CDH18: variants seen among roughly 807,000 people sequenced by gnomAD.
CDH18 encodes cadherin-18.
CDH18 carries 31 observed loss-of-function variants against 67.9 expected under a neutral mutation model. The observed-to-expected ratio is 0.46, with a 90% CI of 0.34 to 0.62. The LOEUF (loss-of-function observed/expected upper bound fraction) is 0.62, where lower values mean the gene tolerates loss of function less well. CDH18 is among the 20% of genes least tolerant of loss of function. The probability of loss-of-function intolerance (pLI) is 0.01; values close to 1 mark genes in which losing one functional copy is unlikely to be tolerated. For synonymous variants in CDH18, 362 were observed against 347.2 expected, an observed-to-expected ratio of 1.04 and a Z score of -0.48; for missense variants, 890 against 975.5, an observed-to-expected ratio of 0.91 and a Z score of 1.17.
intron 10 of CDH18, among the ~76,000 whole-genome samples, chr5:19,513,783 T>G (rs1745489152): frequency 6.6e-6 from 1 of 152,144 alleles, no homozygotes; most frequent in Admixed American, 6.6e-5. Context: ...ACTTGTTTTT[T>G]CATTTAAGTT....
At chr5:19,568,358 C>T (rs1740798807) in intron 8 of CDH18, among the ~76,000 whole-genome samples, 1 of 152,114 alleles carries the variant, frequency 6.6e-6, no homozygotes, top group Admixed American at 6.6e-5. Context: ...TGGATTAGTG[C>T]CTTTACAAGA....
At chr5:20,522,998 T>A (rs529361606) in intron 1 of CDH18, among the ~76,000 whole-genome samples, 2 of 152,310 alleles carry the variant, frequency 1.3e-5, no homozygotes, top group South Asian at 4.1e-4. Context: ...TGCCTTGTTT[T>A]TATGCTAGAC....
At chr5:19,480,463 C>T (rs1483233010) in intron 12 of CDH18, among the ~76,000 whole-genome samples, 3 of 151,366 alleles carry the variant, frequency 2.0e-5, no homozygotes, top group African/African-American at 7.3e-5. Flanking sequence ...CTGCAAGCTC[C>T]GCCTCCCGGG....
At chr5:20,245,012 T>C (rs954242801) in intron 2 of CDH18, among the ~76,000 whole-genome samples, 1 of 152,122 alleles carries the variant, frequency 6.6e-6, no homozygotes, top group African/African-American at 2.4e-5. Context: ...TGACTTGGTA[T>C]CCCTCTTGCT....
chr5:20,436,588 T>A (rs972774159), intron 1 of CDH18, among the ~76,000 whole-genome samples: 7 of 151,616 alleles, frequency 4.6e-5, no homozygotes, highest in African/African-American at 1.7e-4. Flanking sequence ...TGATATTTAA[T>A]GCAAGTATTT....
chr5:20,285,556 TATAA>T (rs780851163), intron 1 of CDH18, among the ~76,000 whole-genome samples: 1 of 151,410 alleles, frequency 6.6e-6, no homozygotes, highest in African/African-American at 2.4e-5. Flanking sequence ...CTCTTCCGTG[TATAA>T]ATAAAGTGTA....
intron 2 of CDH18, among the ~76,000 whole-genome samples, chr5:20,033,008 T>TG (rs777965205): frequency 1.2e-4 from 18 of 151,900 alleles, no homozygotes; most frequent in Non-Finnish European, 2.1e-4. Flanking sequence ...TGAGATATTG[T>TG]GGGGGAAAAG....
At chr5:19,724,945 G>A (rs1291494985) in intron 4 of CDH18, among the ~76,000 whole-genome samples, 1 of 62,328 alleles carries the variant, frequency 1.6e-5, no homozygotes, top group Non-Finnish European at 3.3e-5. Context: ...TTTTTTTTTT[G>A]AGACGGAGTC....
At chr5:20,073,915 C>T (rs1450887709) in intron 2 of CDH18, among the ~76,000 whole-genome samples, 1 of 152,042 alleles carries the variant, frequency 6.6e-6, no homozygotes, top group Non-Finnish European at 1.5e-5. Context: ...TATTGCAGAG[C>T]TATTACCTCC....
At chr5:19,884,700 A>G (rs931320886) in intron 2 of CDH18, among the ~76,000 whole-genome samples, 1 of 152,040 alleles carries the variant, frequency 6.6e-6, no homozygotes, top group African/African-American at 2.4e-5. Flanking sequence ...TGTTTTTAAA[A>G]AAAGTATTGG....
At chr5:19,877,934 T>C (rs1365864006) in intron 2 of CDH18, 1 of 152,088 alleles carries the variant, frequency 6.6e-6, no homozygotes. Flanking sequence ...ATATCTGACA[T>C]ATATTAGGTG....
chr5:19,784,249 A>G (rs1775458276), intron 3 of CDH18, among the ~76,000 whole-genome samples: 1 of 152,202 alleles, frequency 6.6e-6, no homozygotes, highest in East Asian at 1.9e-4. Context: ...GAGTATGTTC[A>G]AAACTTGTAG....
intron 3 of CDH18, 147 bp downstream of exon 3, chr5:19,838,612 G>A: frequency 1.6e-6 from 1 of 612,918 alleles, no homozygotes; most frequent in Non-Finnish European, 2.9e-6. Context: ...GAGCTCTCTA[G>A]TATAAGTAGT....
Position 19,712,660 on chromosome 5 carries a change from C to T in CDH18, c.643+8687G>A, listed in dbSNP as rs1041197628. Among the ~76,000 whole-genome samples the T allele has an allele frequency of 8.6e-4, 125 of 145,786 alleles. 1 individual carries two copies. The highest frequency in any genetic ancestry group is 3.1e-3 in the African/African-American group (117 of 37,858). On this transcript the variant is annotated intron_variant, in intron 5 of 12. Coordinates refer to ENST00000382275, the MANE Select transcript of CDH18 (RefSeq NM_004934.5). ...AAATTTATATATATATATATATACA[C>T]ACACACACACATATTTATATATATG... is the stretch of plus-strand genomic sequence containing the variant.
intron 2 of CDH18, among the ~76,000 whole-genome samples, chr5:20,048,232 G>C (rs1741076633): frequency 6.6e-6 from 1 of 151,262 alleles, no homozygotes; most frequent in Admixed American, 6.6e-5. Context: ...CAGTACATTA[G>C]GTGCTGAAGA....
At chr5:19,519,443 CAAT>C (rs1357567046) in intron 10 of CDH18, among the ~76,000 whole-genome samples, 1 of 152,078 alleles carries the variant, frequency 6.6e-6, no homozygotes, top group East Asian at 1.9e-4. Flanking sequence ...TCACTAAAGA[CAAT>C]AATAGAGTAC....
intron 1 of CDH18, among the ~76,000 whole-genome samples, chr5:20,364,725 T>C (rs1049348310): frequency 6.6e-6 from 1 of 152,224 alleles, no homozygotes; most frequent in Non-Finnish European, 1.5e-5. Flanking sequence ...TAACTATTTC[T>C]AATGAGAATT....
chr5:19,520,626 C>A, intron 10 of CDH18, 31 bp downstream of exon 10: 2 of 1,587,422 alleles, frequency 1.3e-6, no homozygotes, highest in Admixed American at 1.8e-5. Context: ...TTATTCCATT[C>A]AAATGAGGAG....
chr5:19,690,359 T>A (rs1761699761), intron 5 of CDH18, among the ~76,000 whole-genome samples: 1 of 151,362 alleles, frequency 6.6e-6, no homozygotes, highest in African/African-American at 2.4e-5. Context: ...AATAGAAAGA[T>A]TTTAAATAAT....
Sources: allele counts gnomAD v4.1 joint callset (sites outside exome capture counted in the v4.1 genomes callset), GRCh38; gene constraint gnomAD v4.1.1; transcripts MANE v1.5; gene names NCBI Gene and HGNC (gene_info 2026-07-23, HGNC 2026-07-21).